Variants in EPB41L4B observed in about 807,000 individuals in gnomAD.
EPB41L4B encodes erythrocyte membrane protein band 4.1 like 4B.
EPB41L4B carries 30 observed loss-of-function variants against 112.5 expected under a neutral mutation model. The ratio of observed to expected loss-of-function variants is 0.27; its 90% CI spans 0.20 to 0.36. The LOEUF is 0.36. Ranked by LOEUF, EPB41L4B falls within the 10% of genes least tolerant of loss-of-function variation. The pLI is 1.00. For missense variants in EPB41L4B, 1,024 were observed against 1,133.3 expected, an observed-to-expected ratio of 0.90 and a Z score of 1.38; for synonymous variants, 408 against 439.7, an observed-to-expected ratio of 0.93 and a Z score of 0.90.
At chr9:109,211,314 G>C (rs1428707228) in intron 17 of EPB41L4B, among the ~76,000 whole-genome samples, 2 of 152,130 alleles carry the variant, frequency 1.3e-5, no homozygotes, top group East Asian at 3.9e-4. Context: ...TTAAAGTGTG[G>C]CCAGGCATGG....
intron 1 of EPB41L4B, among the ~76,000 whole-genome samples, chr9:109,303,436 C>T: frequency 6.6e-6 from 1 of 152,114 alleles, no homozygotes; most frequent in East Asian, 1.9e-4. Context: ...ACCTCCACCT[C>T]CCAGACTCAA....
intron 15 of EPB41L4B, among the ~76,000 whole-genome samples, chr9:109,219,670 T>C (rs994010628): frequency 6.6e-6 from 1 of 152,232 alleles, no homozygotes; most frequent in African/African-American, 2.4e-5. Flanking sequence ...GTCCATTTTC[T>C]ATAAAAATTA....
At chr9:109,263,022 T>C (rs1401582786) in intron 6 of EPB41L4B, 28 bp downstream of exon 6, 1 of 1,507,988 alleles carries the variant, frequency 6.6e-7, no homozygotes, top group South Asian at 1.2e-5. Context: ...AACATTAAAA[T>C]GCTAATTACT....
chr9:109,201,954 C>G (rs372867972), intron 19 of EPB41L4B, among the ~76,000 whole-genome samples: 2 of 152,108 alleles, frequency 1.3e-5, no homozygotes, highest in African/African-American at 4.8e-5. Flanking sequence ...AAAGGGAGGA[C>G]AGAAGCATCT....
chr9:109,259,548 G>A (rs1835122717), intron 6 of EPB41L4B, among the ~76,000 whole-genome samples: 1 of 152,136 alleles, frequency 6.6e-6, no homozygotes, highest in African/African-American at 2.4e-5. Context: ...GAGGGTGGTG[G>A]AAACAGCTCA....
At position 109,320,443 on chromosome 9, in the gene EPB41L4B, GCATCCTGGCTGGGGGCGCCCC is replaced by G; in HGVS notation, c.-18_3del. 1.0e-6 allele frequency: 1 copy of G among 990,630 alleles called. No individual in the cohort carries two copies. 61.4% of individuals were successfully genotyped at this position (990,630 alleles called of 1,614,324 possible). On this transcript the variant is annotated start_lost and 5_prime_UTR_variant, in exon 1 of 26. Transcript: ENST00000374566. ...CCAAAGGTCCGGCGCAGGAACCGCA[GCATCCTGGCTGGGGGCGCCCC>G]CTGCCTCCGCCCCCTGCGCTGCCGC...
intron 22 of EPB41L4B, among the ~76,000 whole-genome samples, chr9:109,188,713 G>C (rs1832353270): frequency 6.6e-6 from 1 of 152,146 alleles, no homozygotes; most frequent in Non-Finnish European, 1.5e-5. Context: ...CTGTTCCAAT[G>C]CCCTACACAG....
At chr9:109,194,168 C>T (rs1345459951) in intron 21 of EPB41L4B, 52 bp downstream of exon 21, 2 of 1,578,982 alleles carry the variant, frequency 1.3e-6, no homozygotes, top group Non-Finnish European at 8.6e-7. Flanking sequence ...TAAATTGATA[C>T]TGAATTCCCA....
chr9:109,173,375 AG>A lies in EPB41L4B; in HGVS notation c.*1178del, dbSNP rs1831696853. The A allele has an allele frequency of 6.6e-6, 1 of 152,134 alleles. No individual in the cohort carries two copies. Among genetic ancestry groups the A allele is most frequent in the Non-Finnish European group, 1.5e-5 (1 of 67,980 alleles). The allele number at this position is 152,134 out of a possible 1,614,324, so 9.4% of individuals were successfully genotyped here. ...CTTTGACCTTGTAATCCCTCTTTGG[AG>A]ATATTCCTAAGGGAATAATCCAAAA... On this transcript the variant is annotated 3_prime_UTR_variant, in exon 26 of 26. Transcript: ENST00000374566.
At chr9:109,241,864 T>C (rs757312419) in intron 15 of EPB41L4B, 159 of 1,586,770 alleles carry the variant, frequency 1.0e-4, no homozygotes, top group Non-Finnish European at 1.3e-4. Flanking sequence ...AATGCAGAAA[T>C]GTAAGTGAAA....
chr9:109,294,711 A>C (rs1462206402), intron 1 of EPB41L4B, among the ~76,000 whole-genome samples: 1 of 147,734 alleles, frequency 6.8e-6, no homozygotes, highest in Non-Finnish European at 1.5e-5. Flanking sequence ...TGTGTGTATA[A>C]GTATTTATTA....
At chr9:109,289,607 T>C (rs2119174752) in intron 1 of EPB41L4B, among the ~76,000 whole-genome samples, 1 of 152,342 alleles carries the variant, frequency 6.6e-6, no homozygotes, top group Non-Finnish European at 1.5e-5. Context: ...GAATTCTCTG[T>C]AGCTGGCCAG....
chr9:109,243,118 T>C (rs1247602231), intron 15 of EPB41L4B, among the ~76,000 whole-genome samples: 2 of 150,302 alleles, frequency 1.3e-5, no homozygotes, highest in Non-Finnish European at 2.9e-5. Flanking sequence ...ATTGACTGTC[T>C]GATCCTTTAC....
At chr9:109,214,041 G>C (rs1164653963) in intron 16 of EPB41L4B, among the ~76,000 whole-genome samples, 2 of 151,972 alleles carry the variant, frequency 1.3e-5, no homozygotes, top group Non-Finnish European at 2.9e-5. Flanking sequence ...GACGCCCCTG[G>C]GTACGTTGTT....
rs1194527141 is a variant in EPB41L4B at position 109,320,594 on chromosome 9, C to A, written c.-148G>T. On this transcript the variant is annotated 5_prime_UTR_variant, in exon 1 of 26. Transcript: ENST00000374566. ...CTCGCGGGCTACGGCCCGGGGCAAG[C>A]CCGCGCCGAGGCCGAGGCCGCGCTC... The A allele has an allele frequency of 1.5e-5, 4 of 272,096 alleles. No homozygotes were observed. Among genetic ancestry groups the A allele is most frequent in the Non-Finnish European group, 2.2e-5 (4 of 183,354 alleles). 16.9% of individuals were successfully genotyped at this position (272,096 alleles called of 1,614,324 possible).
intron 1 of EPB41L4B, among the ~76,000 whole-genome samples, chr9:109,284,015 T>C (rs1238407553): frequency 6.6e-6 from 1 of 152,136 alleles, no homozygotes. Flanking sequence ...GAAGGATCAC[T>C]TGAAGTTCAA....
Position 109,175,506 on chromosome 9 carries a change from C to CACAG in EPB41L4B, c.2634-884_2634-883insCTGT, listed in dbSNP as rs1831791083. ...ACACACACACACACACACACACACA[C>CACAG]ACACACAGAGTAAATACACATCTTT... On this transcript the variant is annotated intron_variant, in intron 25 of 25. Transcript: ENST00000374566. Among the ~76,000 whole-genome samples the CACAG allele has an allele frequency of 2.0e-5, 3 of 147,824 alleles. No individual in the cohort carries two copies. The South Asian group carries it at 6.5e-4, about 32-fold the overall frequency.
chr9:109,183,067 C>A (rs571025021), intron 23 of EPB41L4B, among the ~76,000 whole-genome samples: 1 of 152,130 alleles, frequency 6.6e-6, no homozygotes, highest in Non-Finnish European at 1.5e-5. Context: ...CTTGCCTCCC[C>A]CTGGAGCTGC....
chr9:109,174,409 GCCAGAAA>G lies in EPB41L4B; in HGVS notation c.*138_*144del, dbSNP rs1426627733. 6 of 717,176 alleles carry G rather than the reference GCCAGAAA, an allele frequency of 8.4e-6. No homozygotes were observed. Among genetic ancestry groups the G allele is most frequent in the Non-Finnish European group, 1.5e-5 (6 of 403,686 alleles). The allele number at this position is 717,176 out of a possible 1,614,324, so 44.4% of individuals were successfully genotyped here. A position where few individuals can be genotyped will look rare whatever the true frequency, so the allele number is the denominator to read the frequency against. On this transcript the variant is annotated 3_prime_UTR_variant, in exon 26 of 26. Coordinates refer to ENST00000374566, the MANE Select transcript of EPB41L4B (RefSeq NM_019114.5). ...AAATAACTTTTCCCATAAAAGTCAA[GCCAGAAA>G]TTGGCTTCAACTAACCATGGAGACC...
Sources: gnomAD v4.1 joint callset for allele counts (sites outside exome capture counted in the v4.1 genomes callset) on GRCh38, gnomAD v4.1.1 for gene constraint, MANE v1.5 for transcripts, NCBI Gene and HGNC (gene_info 2026-07-23, HGNC 2026-07-21) for gene names.